CCDC144A: variants seen among roughly 807,000 people sequenced by gnomAD.
CCDC144A encodes coiled-coil domain-containing protein 144A.
A neutral mutation model predicts 143.8 loss-of-function variants in CCDC144A; 41 were observed. The observed-to-expected ratio is 0.29, with a 90% CI of 0.22 to 0.37. The LOEUF (loss-of-function observed/expected upper bound fraction) is 0.37. CCDC144A is among the 10% of genes least tolerant of loss of function. CCDC144A has a pLI of 1.00. For missense variants in CCDC144A, 637 were observed against 1,488.8 expected (o/e 0.43, Z 9.41); for synonymous variants, 242 against 517.9 (o/e 0.47, Z 7.23).
At chr17:16,747,692 A>G (rs1164864647) in intron 12 of CCDC144A, among the ~76,000 whole-genome samples, 4 of 152,182 alleles carry the variant, frequency 2.6e-5, no homozygotes, top group Admixed American at 2.6e-4. Flanking sequence ...GTGTGTGGCT[A>G]TTACAAATTG....
In CCDC144A at chr17:16,698,269, C is replaced by G. The variant is rs2621636; in HGVS notation, c.415+5220C>G. On this transcript the variant is annotated intron_variant, in intron 2 of 16. Transcript: ENST00000399273. Reference sequence around the variant, plus strand: ...AAAAAGAGGAGAGGAATCATAAAGTCATGTTGCAAAAATTTACAAAGGTGA... The same window carrying G: ...AAAAAGAGGAGAGGAATCATAAAGTGATGTTGCAAAAATTTACAAAGGTGA... 3.9e-5 allele frequency among the ~76,000 whole-genome samples: 6 copies of G among 152,296 alleles called. No individual in the cohort carries two copies. In the South Asian group the frequency reaches 6.2e-4, roughly 16 times the overall value.
rs1411533335 is a variant in CCDC144A at position 16,697,261 on chromosome 17, G to T, written c.415+4212G>T. On this transcript the variant is annotated intron_variant, in intron 2 of 16. Coordinates refer to ENST00000399273, the MANE Select transcript of CCDC144A (RefSeq NM_001382000.1). Reference sequence around the variant, plus strand: ...TATGGTATAAAGCAGGGATTGGCAAGCATTTTCTGTACAGGGCTTTTTCAT... The same window carrying T: ...TATGGTATAAAGCAGGGATTGGCAATCATTTTCTGTACAGGGCTTTTTCAT... Among the ~76,000 whole-genome samples the T allele has an allele frequency of 2.0e-5, 3 of 152,092 alleles. No homozygotes were observed. The South Asian group carries it at 6.2e-4, about 32-fold the overall frequency.
At chr17:16,670,804 C>A in the CCDC144A span, among the ~76,000 whole-genome samples, 1 of 151,964 alleles carries the variant, frequency 6.6e-6, no homozygotes, top group Non-Finnish European at 1.5e-5. Context: ...CCACCATCCC[C>A]CGCCCTCTAT....
intron 12 of CCDC144A, among the ~76,000 whole-genome samples, chr17:16,753,446 T>G (rs1280377444): frequency 1.5e-4 from 20 of 137,838 alleles, no homozygotes; most frequent in African/African-American, 4.0e-4. Flanking sequence ...TTTTTTTTTT[T>G]TTTTTTTTTT....
At chr17:16,762,905 C>T (rs1915439530) in intron 14 of CCDC144A, among the ~76,000 whole-genome samples, 1 of 140,520 alleles carries the variant, frequency 7.1e-6, no homozygotes, top group South Asian at 2.3e-4. Context: ...AATTGCTTGT[C>T]AGTATTCCCT....
At chr17:16,691,597 T>C (rs1911079150) in intron 1 of CCDC144A, among the ~76,000 whole-genome samples, 1 of 149,280 alleles carries the variant, frequency 6.7e-6, no homozygotes. Context: ...CCGTCACTAC[T>C]AAAAAATACA....
chr17:16,759,049 A>G lies in CCDC144A; in HGVS notation c.3373-2376A>G, dbSNP rs71224441. 3.1e-3 allele frequency among the ~76,000 whole-genome samples: 472 copies of G among 152,282 alleles called. 4 individuals carry two copies. Among genetic ancestry groups the G allele is most frequent in the African/African-American group, 0.011 (446 of 41,540 alleles). On this transcript the variant is annotated intron_variant, in intron 12 of 16. Coordinates refer to ENST00000399273, the MANE Select transcript of CCDC144A (RefSeq NM_001382000.1). ...AAATCTTTCTAAGGTCTTAAAATAG[A>G]GCCTTACACTGACAGTCTTGGCTTC...
At chr17:16,759,272 G>A (rs1424465772) in intron 12 of CCDC144A, among the ~76,000 whole-genome samples, 1 of 152,192 alleles carries the variant, frequency 6.6e-6, no homozygotes, top group Admixed American at 6.5e-5. Flanking sequence ...TTCCATTTAC[G>A]ATAATTTCCA....
chr17:16,673,113 T>C, the CCDC144A span, among the ~76,000 whole-genome samples: 2 of 152,098 alleles, frequency 1.3e-5, no homozygotes, highest in Non-Finnish European at 2.9e-5. Context: ...GTACCAATCA[T>C]TTTGTGTTGA....
the CCDC144A span, chr17:16,683,715 G>A: frequency 1.3e-5 from 20 of 1,590,390 alleles, no homozygotes; most frequent in Non-Finnish European, 1.6e-5. Context: ...GGAGACGAAA[G>A]CCAGCAAGCG....
chr17:16,700,442 CACAA>C (rs1332072544), intron 2 of CCDC144A, among the ~76,000 whole-genome samples: 1 of 152,152 alleles, frequency 6.6e-6, no homozygotes, highest in East Asian at 1.9e-4. Flanking sequence ...ACCACATTTG[CACAA>C]ACAGTTTAGG....
chr17:16,704,777 A>G (rs1911949201), intron 2 of CCDC144A, among the ~76,000 whole-genome samples: 1 of 152,220 alleles, frequency 6.6e-6, no homozygotes, highest in Non-Finnish European at 1.5e-5. Flanking sequence ...CTGTGTCTCT[A>G]CAATACATAC....
At chr17:16,711,547 A>G in intron 5 of CCDC144A, 132 bp from the exon 6 acceptor site, 1 of 1,287,582 alleles carries the variant, frequency 7.8e-7, no homozygotes, top group South Asian at 1.4e-5. Flanking sequence ...TAAAGTAAGC[A>G]CCAAATATTT....
intron 12 of CCDC144A, among the ~76,000 whole-genome samples, chr17:16,757,732 A>T (rs567347760): frequency 1.3e-5 from 2 of 152,346 alleles, no homozygotes; most frequent in South Asian, 4.1e-4. Flanking sequence ...CCTGAAGGGG[A>T]TAGGGCTGCT....
At chr17:16,717,007 G>T (rs1912800863) in intron 6 of CCDC144A, among the ~76,000 whole-genome samples, 1 of 150,856 alleles carries the variant, frequency 6.6e-6, no homozygotes, top group Non-Finnish European at 1.5e-5. Context: ...TAGAGACGGG[G>T]TTTCACCGTG....
chr17:16,719,073 A>C (rs71360195), intron 6 of CCDC144A, among the ~76,000 whole-genome samples: 3 of 151,038 alleles, frequency 2.0e-5, no homozygotes, highest in African/African-American at 7.4e-5. Flanking sequence ...CTCGTGATCC[A>C]TCCACCTCGG....
chr17:16,752,307 C>T (rs1478715422), intron 12 of CCDC144A, among the ~76,000 whole-genome samples: 4 of 152,156 alleles, frequency 2.6e-5, no homozygotes, highest in Admixed American at 6.5e-5. Flanking sequence ...AGTTCCATCG[C>T]GAAACCATCC....
the CCDC144A span, among the ~76,000 whole-genome samples, chr17:16,678,442 A>G: frequency 6.6e-6 from 1 of 152,100 alleles, no homozygotes; most frequent in East Asian, 1.9e-4. Context: ...ACTAATAGTA[A>G]CATTTTAACA....
At chr17:16,737,259 CG>C (rs1240680240) in intron 12 of CCDC144A, among the ~76,000 whole-genome samples, 4 of 148,290 alleles carry the variant, frequency 2.7e-5, no homozygotes, top group African/African-American at 9.9e-5. Context: ...CTCCGCCTCC[CG>C]GGTTCACGCC....
Sources: allele counts gnomAD v4.1 joint callset (sites outside exome capture counted in the v4.1 genomes callset), GRCh38; gene constraint gnomAD v4.1.1; transcripts MANE v1.5; gene names NCBI Gene and HGNC (gene_info 2026-07-23, HGNC 2026-07-21).